The following CDC40 variants were observed in gnomAD, a reference collection of about 807,000 sequenced individuals.
CDC40 encodes the protein pre-mRNA-processing factor 17.
CDC40 carries 27 observed loss-of-function variants against 80.6 expected under a neutral mutation model. The ratio of observed to expected loss-of-function variants is 0.33; its 90% CI spans 0.25 to 0.46. The LOEUF (loss-of-function observed/expected upper bound fraction) is 0.46. Among genes scored for constraint, CDC40 ranks in the 20% least tolerant of loss-of-function variants. The pLI is 1.00. For missense variants in CDC40, 486 were observed against 694.1 expected, an observed-to-expected ratio of 0.70 and a Z score of 3.37; for synonymous variants, 221 against 232.6, an observed-to-expected ratio of 0.95 and a Z score of 0.45.
chr6:110,206,216 C>T (rs1777560889), intron 3 of CDC40, among the ~76,000 whole-genome samples: 1 of 152,160 alleles, frequency 6.6e-6, no homozygotes, highest in African/African-American at 2.4e-5. Context: ...CAGCTCACTG[C>T]AAGCTACACC....
At position 110,219,479 on chromosome 6, in the gene CDC40, A is replaced by G. The variant is rs769399315; in HGVS notation, c.1206A>G (p.Gln402=). ...GGATGTCTGATAAGAAGATTGTGCA[A>G]GTAAGTCTTTCACAGTATTTTGTTA... is the stretch of plus-strand genomic sequence containing the variant. ...VAGMSDKKIV[Q]WDIRSGEIVQ... The change falls in exon 11 of 15, where the codon CAA becomes CAG. Residue 402 remains glutamine, a splice_region_variant and synonymous_variant. Coordinates refer to ENST00000307731, the MANE Select transcript of CDC40 (RefSeq NM_015891.3). The G allele has an allele frequency of 5.2e-6, 8 of 1,532,990 alleles. No individual in the cohort carries two copies. The highest frequency in any genetic ancestry group is 1.7e-4 in the Middle Eastern group (1 of 5,930). The allele number at this position is 1,532,990 out of a possible 1,614,324, so 95.0% of individuals were successfully genotyped here.
At chr6:110,208,623 A>T (rs192878129) in intron 4 of CDC40, among the ~76,000 whole-genome samples, 2 of 152,294 alleles carry the variant, frequency 1.3e-5, no homozygotes, top group Admixed American at 1.3e-4. Flanking sequence ...TTAAGTACTT[A>T]CAGTAATTTA....
chr6:110,205,980 G>GA (rs911571499), intron 3 of CDC40, among the ~76,000 whole-genome samples: 1 of 152,106 alleles, frequency 6.6e-6, no homozygotes, highest in Admixed American at 6.5e-5. Context: ...TTTTAATGCT[G>GA]AAAAAAACTA....
rs539713647 is a variant in CDC40 at position 110,183,106 on chromosome 6, C to A, written c.189+2473C>A. On this transcript the variant is annotated intron_variant, in intron 1 of 14. Transcript: ENST00000307731. ...TCCCTTGCCTAGTGCCTCCTTCCCC[C>A]ACTCCAAACACTGTGGTCCTTCAGT... Among the ~76,000 whole-genome samples the A allele has an allele frequency of 1.6e-3, 250 of 152,316 alleles. 3 individuals carry two copies. Among genetic ancestry groups the A allele is most frequent in the South Asian group, 4.1e-3 (20 of 4,830 alleles).
chr6:110,192,607 G>A (rs1777366396), intron 1 of CDC40, among the ~76,000 whole-genome samples: 1 of 152,234 alleles, frequency 6.6e-6, no homozygotes, highest in South Asian at 2.1e-4. Flanking sequence ...TATCGTATTT[G>A]TAAGTGGTGG....
At chr6:110,198,748 T>C (rs1777452217) in intron 2 of CDC40, among the ~76,000 whole-genome samples, 1 of 152,250 alleles carries the variant, frequency 6.6e-6, no homozygotes, top group Non-Finnish European at 1.5e-5. Context: ...GAATATATTA[T>C]ACATTCACAT....
At position 110,210,288 on chromosome 6, in the gene CDC40, G is replaced by A. The variant is rs141563123; in HGVS notation, c.631-419G>A. ...TTATAGAAGACTTGAGCTTGGCCGGGCCTGTAAGCCCAGCACTTTGGGAGG... is the reference window on the plus strand; with the variant it reads ...TTATAGAAGACTTGAGCTTGGCCGGACCTGTAAGCCCAGCACTTTGGGAGG... On this transcript the variant is annotated intron_variant, in intron 5 of 14. Transcript: ENST00000307731. Among the ~76,000 whole-genome samples the A allele has an allele frequency of 7.0e-3, 1,064 of 151,856 alleles. 16 individuals are homozygous for A. The highest frequency in any genetic ancestry group is 0.025 in the African/African-American group (1,023 of 41,396).
chr6:110,223,774 C>G (rs1192896924), intron 12 of CDC40, among the ~76,000 whole-genome samples: 1 of 151,846 alleles, frequency 6.6e-6, no homozygotes, highest in African/African-American at 2.4e-5. Context: ...AGAATAAAAG[C>G]TATATTAGAT....
chr6:110,193,154 A>T (rs758456603), intron 1 of CDC40, 28 bp from the exon 2 acceptor site: 2 of 1,346,932 alleles, frequency 1.5e-6, no homozygotes, highest in Admixed American at 1.7e-5. Flanking sequence ...TTATCAGATC[A>T]TTAATATTTA....
At chr6:110,188,018 A>G (rs1369436501) in intron 1 of CDC40, among the ~76,000 whole-genome samples, 1 of 152,138 alleles carries the variant, frequency 6.6e-6, no homozygotes, top group Non-Finnish European at 1.5e-5. Flanking sequence ...AGAGTTGTTC[A>G]ATTTGTTCTA....
intron 1 of CDC40, among the ~76,000 whole-genome samples, chr6:110,184,100 A>G (rs1414765721): frequency 6.6e-6 from 1 of 152,150 alleles, no homozygotes; most frequent in Non-Finnish European, 1.5e-5. Context: ...ATTCTCTTGT[A>G]TTATCTCTTG....
intron 3 of CDC40, among the ~76,000 whole-genome samples, chr6:110,202,020 T>C (rs61079805): frequency 0.027 from 4,172 of 152,268 alleles, 182 homozygotes; most frequent in African/African-American, 0.094. Flanking sequence ...AATGAAAAGA[T>C]AGTGTTAAGA....
chr6:110,228,757 G>A, intron 13 of CDC40, 75 bp from the exon 14 acceptor site: 1 of 1,136,812 alleles, frequency 8.8e-7, no homozygotes, highest in East Asian at 2.7e-5. Flanking sequence ...TAATCACAGT[G>A]AACATATTTA....
Position 110,231,720 on chromosome 6 carries a change from G to C in CDC40, c.*1589G>C, listed in dbSNP as rs1777940940. On this transcript the variant is annotated 3_prime_UTR_variant, in exon 15 of 15. Coordinates refer to ENST00000307731, the MANE Select transcript of CDC40 (RefSeq NM_015891.3). ...TGATAACCTAAGAGCATTAAGCTCT[G>C]AGTCCAGTGAGGTCATAGCAGTGTA... The C allele has an allele frequency of 6.6e-6, 1 of 151,598 alleles. No individual in the cohort carries two copies. Among genetic ancestry groups the C allele is most frequent in the Non-Finnish European group, 1.5e-5 (1 of 67,884 alleles). The allele number at this position is 151,598 out of a possible 1,614,324, so 9.4% of individuals were successfully genotyped here.
chr6:110,213,550 G>T (rs1381061678), intron 8 of CDC40, among the ~76,000 whole-genome samples: 1 of 151,842 alleles, frequency 6.6e-6, no homozygotes, highest in Non-Finnish European at 1.5e-5. Context: ...TGGTGGCTAG[G>T]CCCCTTTTTA....
chr6:110,208,969 A>G (rs1777597725), intron 4 of CDC40, 115 bp from the exon 5 acceptor site: 1 of 712,040 alleles, frequency 1.4e-6, no homozygotes, highest in Non-Finnish European at 2.3e-6. Context: ...CACTTGAACA[A>G]TCATCTTTCT....
intron 8 of CDC40, among the ~76,000 whole-genome samples, chr6:110,213,539 A>C (rs1032649309): frequency 1.3e-5 from 2 of 151,674 alleles, no homozygotes; most frequent in African/African-American, 4.8e-5. Context: ...ACAGGCACCC[A>C]TGGTGGCTAG....
chr6:110,193,317 A>G (rs1777376129), intron 2 of CDC40, 49 bp downstream of exon 2: 2 of 1,047,128 alleles, frequency 1.9e-6, no homozygotes, highest in Admixed American at 3.5e-5. Flanking sequence ...AATTTAAATC[A>G]TAGTAGATAA....
At chr6:110,212,986 A>C in intron 7 of CDC40, 100 bp from the exon 8 acceptor site, 1 of 837,908 alleles carries the variant, frequency 1.2e-6, no homozygotes, top group Non-Finnish European at 2.1e-6. Flanking sequence ...GAAGAAAAAT[A>C]GCAAATTAGG....
Sources: allele counts gnomAD v4.1 joint callset (sites outside exome capture counted in the v4.1 genomes callset), GRCh38; gene constraint gnomAD v4.1.1; transcripts MANE v1.5; gene names NCBI Gene and HGNC (gene_info 2026-07-23, HGNC 2026-07-21).